Variants in IKZF3 observed in about 807,000 individuals in gnomAD.
IKZF3 encodes the protein zinc finger protein Aiolos.
In IKZF3, 10 loss-of-function variants were observed where a neutral mutation model predicts 49.0. The ratio of observed to expected loss-of-function variants is 0.20; its 90% CI spans 0.13 to 0.35. The LOEUF (loss-of-function observed/expected upper bound fraction) is 0.35. IKZF3 is among the 10% of genes least tolerant of loss of function. The probability of loss-of-function intolerance (pLI) is 1.00; values close to 1 mark genes in which losing one functional copy is unlikely to be tolerated. For missense variants in IKZF3, 498 were observed against 664.8 expected (o/e 0.75, Z 2.76); for synonymous variants, 209 against 228.2 (o/e 0.92, Z 0.76).
intron 3 of IKZF3, among the ~76,000 whole-genome samples, chr17:39,818,551 T>A (rs1310809489): frequency 6.6e-6 from 1 of 152,146 alleles, no homozygotes; most frequent in Non-Finnish European, 1.5e-5. Context: ...AATGGAATGA[T>A]CTTTCAACGT....
intron 3 of IKZF3, among the ~76,000 whole-genome samples, chr17:39,800,004 G>A (rs1048043422): frequency 6.6e-6 from 1 of 152,158 alleles, no homozygotes; most frequent in Non-Finnish European, 1.5e-5. Context: ...TCTACATTCA[G>A]AAATGTTTAT....
At chr17:39,778,946 T>C (rs1000880880) in intron 6 of IKZF3, among the ~76,000 whole-genome samples, 2 of 152,224 alleles carry the variant, frequency 1.3e-5, no homozygotes. Flanking sequence ...AAGAAATACC[T>C]ATGCCCAGGC....
At chr17:39,840,050 C>A (rs2062420196) in intron 1 of IKZF3, among the ~76,000 whole-genome samples, 1 of 152,180 alleles carries the variant, frequency 6.6e-6, no homozygotes. Flanking sequence ...GCTGGGGTGA[C>A]CAAATGTCCC....
chr17:39,790,361 C>T (rs2060987066), intron 5 of IKZF3, among the ~76,000 whole-genome samples: 2 of 152,024 alleles, frequency 1.3e-5, no homozygotes, highest in Admixed American at 6.5e-5. Context: ...TTTTTCGAAC[C>T]AAACTCATCC....
intron 1 of IKZF3, chr17:39,835,859 G>T: frequency 1.6e-6 from 1 of 611,200 alleles, no homozygotes; most frequent in South Asian, 1.4e-5. Flanking sequence ...TATGCTTACT[G>T]ATCTCATCCT....
At chr17:39,802,795 A>G (rs1437068427) in intron 3 of IKZF3, among the ~76,000 whole-genome samples, 3 of 149,630 alleles carry the variant, frequency 2.0e-5, no homozygotes, top group Non-Finnish European at 3.0e-5. Context: ...TACTCCAGCC[A>G]GCCTGGGCAA....
rs373718334 is a variant in IKZF3 at position 39,766,637 on chromosome 17, G to A, written c.827-144C>T. On this transcript the variant is annotated intron_variant, in intron 7 of 7. Transcript: ENST00000346872. ...CAAGCCTGGCAGAATGGTTTCCCATGGTGCTGTCTCAGGGGACACTGGTCG... is the reference window on the plus strand; with the variant it reads ...CAAGCCTGGCAGAATGGTTTCCCATAGTGCTGTCTCAGGGGACACTGGTCG... The A allele has an allele frequency of 2.2e-5, 15 of 686,698 alleles. 1 individual carries two copies. Among genetic ancestry groups the A allele is most frequent in the African/African-American group, 1.4e-4 (8 of 55,494 alleles). 42.5% of individuals were successfully genotyped at this position (686,698 alleles called of 1,614,324 possible).
intron 1 of IKZF3, among the ~76,000 whole-genome samples, chr17:39,836,323 G>A (rs1213212457): frequency 3.3e-5 from 5 of 152,152 alleles, no homozygotes; most frequent in South Asian, 4.1e-4. Flanking sequence ...AGGAACTGAC[G>A]CAGGCACCAG....
chr17:39,845,496 C>A (rs1253844517), intron 1 of IKZF3, among the ~76,000 whole-genome samples: 1 of 151,428 alleles, frequency 6.6e-6, no homozygotes, highest in Non-Finnish European at 1.5e-5. Flanking sequence ...TGCACTCCAG[C>A]CTGGGCAACA....
chr17:39,775,306 G>C (rs924582926), intron 7 of IKZF3, among the ~76,000 whole-genome samples: 3 of 152,066 alleles, frequency 2.0e-5, no homozygotes, highest in Non-Finnish European at 4.4e-5. Flanking sequence ...CCAGCACAGA[G>C]AGAATGTGAT....
chr17:39,812,407 T>G (rs1568009575), intron 3 of IKZF3, among the ~76,000 whole-genome samples: 1 of 152,186 alleles, frequency 6.6e-6, no homozygotes, highest in South Asian at 2.1e-4. Flanking sequence ...TTCTGGTAAT[T>G]GCTTAACAAC....
chr17:39,846,632 C>A (rs907509676), intron 1 of IKZF3, among the ~76,000 whole-genome samples: 18 of 151,530 alleles, frequency 1.2e-4, no homozygotes, highest in Non-Finnish European at 2.4e-4. Context: ...GAATGCTTTA[C>A]CTATTAGTTC....
chr17:39,835,483 G>T, intron 1 of IKZF3: 1 of 445,962 alleles, frequency 2.2e-6, no homozygotes, highest in Non-Finnish European at 4.4e-6. Context: ...GTTTATCTTG[G>T]AGATCTCCGT....
chr17:39,841,617 T>C (rs1465421876), intron 1 of IKZF3, among the ~76,000 whole-genome samples: 1 of 152,040 alleles, frequency 6.6e-6, no homozygotes, highest in Non-Finnish European at 1.5e-5. Flanking sequence ...AGTGGAGGAA[T>C]GGTCAAATAA....
intron 3 of IKZF3, among the ~76,000 whole-genome samples, chr17:39,817,884 G>A (rs922682807): frequency 5.3e-5 from 8 of 152,140 alleles, no homozygotes; most frequent in Non-Finnish European, 8.8e-5. Context: ...GACCTCCAGC[G>A]GATGTCTGAA....
intron 3 of IKZF3, among the ~76,000 whole-genome samples, chr17:39,804,414 C>T (rs1025701259): frequency 6.6e-6 from 1 of 150,756 alleles, no homozygotes; most frequent in African/African-American, 2.4e-5. Flanking sequence ...CTCCACTGCA[C>T]TCCAGCCTGG....
At position 39,864,087 on chromosome 17, in the gene IKZF3, A is replaced by T. The variant is rs769231306; in HGVS notation, c.7+33T>A. ...CTTGCACAGGTTAAGTTTCTCAAAG[A>T]CCCCGGAGAAAAGAAGCGGGCTGGA... is the stretch of plus-strand genomic sequence containing the variant. On this transcript the variant is annotated intron_variant, in intron 1 of 7. Transcript: ENST00000346872. 3 of 1,612,886 alleles carry T rather than the reference A, an allele frequency of 1.9e-6. No homozygotes were observed. In the South Asian group the frequency reaches 3.3e-5, roughly 18 times the overall value.
intron 3 of IKZF3, among the ~76,000 whole-genome samples, chr17:39,793,751 T>C (rs186384403): frequency 6.6e-6 from 1 of 152,176 alleles, no homozygotes; most frequent in East Asian, 1.9e-4. Context: ...CTCAAGTGAG[T>C]TGGCTGACCA....
chr17:39,810,028 C>T (rs1459199919), intron 3 of IKZF3, among the ~76,000 whole-genome samples: 1 of 152,176 alleles, frequency 6.6e-6, no homozygotes, highest in Non-Finnish European at 1.5e-5. Context: ...TCTTTGAGAA[C>T]TGTACTCTTT....
Sources: allele counts gnomAD v4.1 joint callset (sites outside exome capture counted in the v4.1 genomes callset), GRCh38; gene constraint gnomAD v4.1.1; transcripts MANE v1.5; gene names NCBI Gene and HGNC (gene_info 2026-07-23, HGNC 2026-07-21).